The following MAST4 variants were observed in gnomAD, a reference collection of about 807,000 sequenced individuals.
The protein encoded by MAST4 is microtubule-associated serine/threonine-protein kinase 4.
A neutral mutation model predicts 162.7 loss-of-function variants in MAST4; 89 were observed. The ratio of observed to expected loss-of-function variants is 0.55; its 90% CI spans 0.46 to 0.65. The LOEUF (loss-of-function observed/expected upper bound fraction) is 0.65. MAST4 is among the 30% of genes least tolerant of loss of function. The probability of loss-of-function intolerance (pLI) is 0.00; values close to 1 mark genes in which losing one functional copy is unlikely to be tolerated. For synonymous variants in MAST4, 1,479 were observed against 1,361.1 expected, an observed-to-expected ratio of 1.09 and a Z score of -1.91; for missense variants, 3,153 against 3,374.0, an observed-to-expected ratio of 0.93 and a Z score of 1.62.
intron 4 of MAST4, among the ~76,000 whole-genome samples, chr5:67,014,551 G>A (rs1335301563): frequency 6.6e-6 from 1 of 152,176 alleles, no homozygotes; most frequent in African/African-American, 2.4e-5. Flanking sequence ...TATTTTTACT[G>A]TGTGGCCTGT....
intron 4 of MAST4, among the ~76,000 whole-genome samples, chr5:66,999,124 C>T (rs2150309205): frequency 6.6e-6 from 1 of 152,332 alleles, no homozygotes; most frequent in African/African-American, 2.4e-5. Context: ...ACACTCATCT[C>T]TGGATCTTGC....
At chr5:66,973,928 T>C (rs77848022) in intron 4 of MAST4, among the ~76,000 whole-genome samples, 7,839 of 152,262 alleles carry the variant, frequency 0.051, 638 homozygotes, top group African/African-American at 0.18. Flanking sequence ...AAGCAGAAGC[T>C]CTTTAAGCTG....
chr5:66,843,325 G>C lies in MAST4; in HGVS notation c.642+54531G>C, dbSNP rs1051685598. Among the ~76,000 whole-genome samples, 4 of 152,254 alleles carry C rather than the reference G, an allele frequency of 2.6e-5. No individual in the cohort carries two copies. In the East Asian group the frequency reaches 7.7e-4, roughly 29 times the overall value. Reference sequence around the variant, plus strand: ...TTAAGTCATCCACCACTTTTCATTTGTCAAGCACTTGAAAAAGAATATTGT... The same window carrying C: ...TTAAGTCATCCACCACTTTTCATTTCTCAAGCACTTGAAAAAGAATATTGT... On this transcript the variant is annotated intron_variant, in intron 3 of 28. Coordinates refer to ENST00000403625, the MANE Select transcript of MAST4 (RefSeq NM_001164664.2).
At chr5:66,703,873 A>G (rs1456946982) in intron 1 of MAST4, among the ~76,000 whole-genome samples, 1 of 152,218 alleles carries the variant, frequency 6.6e-6, no homozygotes, top group Admixed American at 6.5e-5. Flanking sequence ...AAACACAAAG[A>G]TCATAACATT....
intron 4 of MAST4, chr5:66,963,642 C>T (rs968808931): frequency 6.5e-6 from 5 of 774,496 alleles, no homozygotes; most frequent in Non-Finnish European, 1.2e-5. Context: ...AGTCCCTTAA[C>T]TGAGCTATGC....
At chr5:66,808,759 A>G (rs1756330474) in intron 3 of MAST4, among the ~76,000 whole-genome samples, 1 of 151,740 alleles carries the variant, frequency 6.6e-6, no homozygotes, top group Admixed American at 6.6e-5. Context: ...TTAAACACAC[A>G]TTTTCTCTGC....
chr5:66,852,261 C>T (rs932572256), intron 3 of MAST4, among the ~76,000 whole-genome samples: 1 of 152,164 alleles, frequency 6.6e-6, no homozygotes, highest in Non-Finnish European at 1.5e-5. Flanking sequence ...GGTCCTCCCA[C>T]CACAGCCTGC....
chr5:67,084,437 A>G (rs936463784), intron 5 of MAST4, among the ~76,000 whole-genome samples: 3 of 152,194 alleles, frequency 2.0e-5, no homozygotes, highest in Admixed American at 6.5e-5. Context: ...AGCTCTTTAC[A>G]TTGTGTTCAC....
At chr5:66,762,641 A>T (rs1753905724) in intron 2 of MAST4, among the ~76,000 whole-genome samples, 1 of 152,246 alleles carries the variant, frequency 6.6e-6, no homozygotes, top group Non-Finnish European at 1.5e-5. Flanking sequence ...AAATAATCAC[A>T]TGTGATCTCA....
At chr5:66,739,422 G>T (rs1752353463) in intron 1 of MAST4, among the ~76,000 whole-genome samples, 1 of 152,074 alleles carries the variant, frequency 6.6e-6, no homozygotes, top group South Asian at 2.1e-4. Flanking sequence ...ATCACAAAGG[G>T]GTAGAAATAG....
At chr5:67,109,434 T>C (rs1765965575) in intron 10 of MAST4, among the ~76,000 whole-genome samples, 1 of 152,094 alleles carries the variant, frequency 6.6e-6, no homozygotes, top group African/African-American at 2.4e-5. Flanking sequence ...ATTTTTATGA[T>C]GAGACTTCGA....
At chr5:66,763,932 A>C (rs1384414988) in intron 2 of MAST4, among the ~76,000 whole-genome samples, 1 of 152,194 alleles carries the variant, frequency 6.6e-6, no homozygotes, top group Non-Finnish European at 1.5e-5. Context: ...GAATTTTCTC[A>C]AATTGGAGTG....
At chr5:66,822,978 C>T (rs1010954795) in intron 3 of MAST4, among the ~76,000 whole-genome samples, 11 of 152,104 alleles carry the variant, frequency 7.2e-5, no homozygotes, top group African/African-American at 2.7e-4. Context: ...TCTTCATAAT[C>T]CCCATGTGTC....
At chr5:66,687,984 G>A (rs573814651) in intron 1 of MAST4, among the ~76,000 whole-genome samples, 10 of 152,238 alleles carry the variant, frequency 6.6e-5, no homozygotes, top group South Asian at 4.1e-4. Flanking sequence ...TGATAAAGTC[G>A]TTGCATAAGT....
rs1764169118 is a variant in MAST4, at chr5:66,917,161, G to C, written c.674+17179G>C. 5.5e-6 allele frequency: 3 copies of C among 547,654 alleles called. No homozygotes were observed. In the Admixed American group the frequency reaches 8.9e-5, roughly 16 times the overall value. 33.9% of individuals were successfully genotyped at this position (547,654 alleles called of 1,614,324 possible). ...AATTCTTTCCAATCTTATTACCCCT[G>C]GTCATTACTTTAAATTGCATTTCCT... is the stretch of plus-strand genomic sequence containing the variant. On this transcript the variant is annotated intron_variant, in intron 4 of 28. Coordinates refer to ENST00000403625, the MANE Select transcript of MAST4 (RefSeq NM_001164664.2).
intron 5 of MAST4, among the ~76,000 whole-genome samples, chr5:67,063,047 T>A (rs540992366): frequency 2.0e-5 from 3 of 152,338 alleles, no homozygotes; most frequent in Non-Finnish European, 1.5e-5. Flanking sequence ...TTTCTTATAG[T>A]GTGTATGTCC....
At chr5:66,830,701 AAGACATTACAT>A (rs1426327008) in intron 3 of MAST4, among the ~76,000 whole-genome samples, 1 of 152,228 alleles carries the variant, frequency 6.6e-6, no homozygotes, top group South Asian at 2.1e-4. Context: ...CATTTAAAGA[AAGACATTACAT>A]AGAGTAGCTG....
rs59273615 is a variant in MAST4, at chr5:66,907,587, CGTGTGTGTGTGTGT to C, written c.674+7642_674+7655del. On this transcript the variant is annotated intron_variant, in intron 4 of 28. Coordinates refer to ENST00000403625, the MANE Select transcript of MAST4 (RefSeq NM_001164664.2). ...ATAATGAAATGGGCATAGGTTGATG[CGTGTGTGTGTGTGT>C]GTGTGTGTGTGTGTGTGTGTGTGTG... Among the ~76,000 whole-genome samples the C allele has an allele frequency of 9.0e-3, 1,293 of 144,214 alleles. 10 individuals carry two copies. Among genetic ancestry groups the C allele is most frequent in the African/African-American group, 0.017 (666 of 38,746 alleles). 94.6% of individuals were successfully genotyped at this position (144,214 alleles called of 152,430 possible).
In MAST4 at chr5:67,018,819, T is replaced by C. The variant is rs116358714; in HGVS notation, c.675-35585T>C. On this transcript the variant is annotated intron_variant, in intron 4 of 28. Transcript: ENST00000403625. ...CTTATTTGCTTTGCAAAATAACTTA[T>C]CATGTTCTTCCACTATTTTTATTAT... 8.9e-3 allele frequency among the ~76,000 whole-genome samples: 1,353 copies of C among 152,318 alleles called. 26 individuals are homozygous for C. The highest frequency in any genetic ancestry group is 0.031 in the African/African-American group (1,304 of 41,566).
Sources: allele counts gnomAD v4.1 joint callset (sites outside exome capture counted in the v4.1 genomes callset), GRCh38; gene constraint gnomAD v4.1.1; transcripts MANE v1.5; gene names NCBI Gene and HGNC (gene_info 2026-07-23, HGNC 2026-07-21).